Variants in KCNN3 observed in about 807,000 individuals in gnomAD.
KCNN3 encodes the protein potassium calcium-activated channel subfamily N member 3.
In KCNN3, 16 loss-of-function variants were observed where a neutral mutation model predicts 62.9. That is an observed-to-expected ratio of 0.25 (90% CI 0.17 to 0.39). The LOEUF (loss-of-function observed/expected upper bound fraction) is 0.39, where lower values mean the gene tolerates loss of function less well. Ranked by LOEUF, KCNN3 falls within the 10% of genes least tolerant of loss-of-function variation. The pLI is 1.00. For missense variants in KCNN3, 599 were observed against 949.4 expected (o/e 0.63, Z 4.85); for synonymous variants, 370 against 389.2 (o/e 0.95, Z 0.58).
Position 154,869,198 on chromosome 1 carries a change from G to A in KCNN3, c.767C>T (p.Pro256Leu), listed in dbSNP as rs370649072. 7.4e-6 allele frequency: 12 copies of A among 1,614,022 alleles called. No individual in the cohort carries two copies. The African/African-American group carries it at 1.6e-4, about 22-fold the overall frequency. Residue 256 changes from proline (P) to leucine (L), a missense_variant, in exon 1 of 8, where the codon CCC (proline) becomes CTC (leucine). Physicochemically the swap from Pro to Leu is moderately conservative, Grantham distance 98 (BLOSUM62 -3). Transcript: ENST00000271915. This position sits in a 1 kb window ranked among gnomAD's most constrained non-coding sequence, Gnocchi z 6.1. Reference sequence around the variant, plus strand: ...TTGGTTTTTCCGCTTGTTGGCTTTGGGGAAGGTGGTGCTGCTGGCGGTGGT... The same window carrying A: ...TTGGTTTTTCCGCTTGTTGGCTTTGAGGAAGGTGGTGCTGCTGGCGGTGGT... ...AGTTASSTTF[P>L]KANKRKNQNI...
intron 2 of KCNN3, among the ~76,000 whole-genome samples, chr1:154,783,078 TGGTG>T (rs879531928): frequency 0.56 from 85,127 of 151,624 alleles, 25,069 homozygotes; most frequent in Non-Finnish European, 0.63. Context: ...CCGGGCGTGG[TGGTG>T]GGCGCCTGTA....
chr1:154,745,075 C>T lies in KCNN3; in HGVS notation c.1449-11931G>A, dbSNP rs552100096. On this transcript the variant is annotated intron_variant, in intron 3 of 7. Transcript: ENST00000271915. ...AGGACACCACATGCATGTATAAAGC[C>T]ACCCCTCCATCCACTTCACCTCTGT... Among the ~76,000 whole-genome samples, 9 of 152,230 alleles carry T rather than the reference C, an allele frequency of 5.9e-5. No homozygotes were observed. The East Asian group carries it at 7.7e-4, about 13-fold the overall frequency.
At chr1:154,851,953 C>T (rs935899025) in intron 1 of KCNN3, among the ~76,000 whole-genome samples, 1 of 152,210 alleles carries the variant, frequency 6.6e-6, no homozygotes. Flanking sequence ...AGACCCGCCT[C>T]CCCTGTGACC....
chr1:154,767,685 A>G (rs1648358374), intron 3 of KCNN3, among the ~76,000 whole-genome samples: 1 of 152,240 alleles, frequency 6.6e-6, no homozygotes, highest in Non-Finnish European at 1.5e-5. Flanking sequence ...GGAGGTGGGC[A>G]GGCAGCCAGG....
At chr1:154,852,208 TTC>T (rs1652328899) in intron 1 of KCNN3, among the ~76,000 whole-genome samples, 1 of 76,516 alleles carries the variant, frequency 1.3e-5, no homozygotes, top group Admixed American at 1.8e-4. Flanking sequence ...TGTGAATCTA[TTC>T]TTTTTTTTTT....
At chr1:154,780,291 C>T (rs908667339) in intron 2 of KCNN3, among the ~76,000 whole-genome samples, 3 of 137,624 alleles carry the variant, frequency 2.2e-5, no homozygotes, top group Non-Finnish European at 4.6e-5. Context: ...GACTTGAGAC[C>T]TTTCTGATTT....
At chr1:154,713,826 A>G (rs954367544) in intron 6 of KCNN3, among the ~76,000 whole-genome samples, 1 of 150,698 alleles carries the variant, frequency 6.6e-6, no homozygotes, top group African/African-American at 2.5e-5. Context: ...CTTATTCTCA[A>G]CTTTTCAGGG....
intron 3 of KCNN3, among the ~76,000 whole-genome samples, chr1:154,750,884 C>A (rs73005493): frequency 6.6e-6 from 1 of 152,132 alleles, no homozygotes; most frequent in Non-Finnish European, 1.5e-5. Flanking sequence ...TTTCCTGGGG[C>A]GGTGAGAGCA....
At chr1:154,829,831 C>A (rs1262497790) in intron 1 of KCNN3, among the ~76,000 whole-genome samples, 2 of 152,168 alleles carry the variant, frequency 1.3e-5, no homozygotes, top group East Asian at 3.9e-4. Context: ...CTGCCCTGGG[C>A]CCCACACCCT....
Position 154,840,897 on chromosome 1 carries a change from G to A in KCNN3, c.934-18713C>T, listed in dbSNP as rs117907749. 2.6e-4 allele frequency among the ~76,000 whole-genome samples: 40 copies of A among 152,292 alleles called. No individual in the cohort carries two copies. In the East Asian group the frequency reaches 7.0e-3, roughly 27 times the overall value. Reference sequence around the variant, plus strand: ...CCCGGATCCCCCAGGTCAGGCCACCGAATCCAGACTGAGTGTGTGCACCGC... The same window carrying A: ...CCCGGATCCCCCAGGTCAGGCCACCAAATCCAGACTGAGTGTGTGCACCGC... On this transcript the variant is annotated intron_variant, in intron 1 of 7. Transcript: ENST00000271915.
chr1:154,759,310 C>T (rs980251053), intron 3 of KCNN3, among the ~76,000 whole-genome samples: 2 of 152,160 alleles, frequency 1.3e-5, no homozygotes, highest in Non-Finnish European at 2.9e-5. Flanking sequence ...CTGAGGTGCC[C>T]GTCCTTTGAG....
chr1:154,859,645 C>T (rs758655319), intron 1 of KCNN3: 6 of 1,568,294 alleles, frequency 3.8e-6, no homozygotes, highest in Non-Finnish European at 5.3e-6. Context: ...GGCAACAGGT[C>T]ATCTGCTTCC....
At chr1:154,841,760 A>G (rs1651839547) in intron 1 of KCNN3, among the ~76,000 whole-genome samples, 1 of 152,188 alleles carries the variant, frequency 6.6e-6, no homozygotes. Context: ...GCTTGCTAGC[A>G]GGAGTAAGGA....
chr1:154,860,711 G>A (rs1652736285), intron 1 of KCNN3, among the ~76,000 whole-genome samples: 1 of 152,212 alleles, frequency 6.6e-6, no homozygotes, highest in African/African-American at 2.4e-5. Flanking sequence ...AGGGACACCT[G>A]CAGACAGTGG....
At chr1:154,804,585 A>G (rs1180987539) in intron 2 of KCNN3, among the ~76,000 whole-genome samples, 3 of 152,048 alleles carry the variant, frequency 2.0e-5, no homozygotes, top group African/African-American at 4.8e-5. Context: ...AACACATCTT[A>G]TTCTTTCCCA....
At chr1:154,814,942 T>C (rs74492367) in intron 2 of KCNN3, among the ~76,000 whole-genome samples, 1,747 of 152,318 alleles carry the variant, frequency 0.011, 36 homozygotes, top group African/African-American at 0.04. Context: ...TTCCCTTGTG[T>C]GCTGTGATCA....
At position 154,700,845 on chromosome 1, in the gene KCNN3, A is replaced by G. The variant is rs1221188606; in HGVS notation, c.*7131T>C. On this transcript the variant is annotated 3_prime_UTR_variant, in exon 8 of 8. Coordinates refer to ENST00000271915, the MANE Select transcript of KCNN3 (RefSeq NM_002249.6). Reference sequence around the variant, plus strand: ...AATTTTAAAAAAGAAAAAATCATTTAGTAGCAAAAAAAAGTGAAGAAATAA... The same window carrying G: ...AATTTTAAAAAAGAAAAAATCATTTGGTAGCAAAAAAAAGTGAAGAAATAA... 6.6e-6 allele frequency: 1 copy of G among 152,124 alleles called. No individual in the cohort carries two copies. Among genetic ancestry groups the G allele is most frequent in the Non-Finnish European group, 1.5e-5 (1 of 68,020 alleles). The allele number at this position is 152,124 out of a possible 1,614,324, so 9.4% of individuals were successfully genotyped here. A position where few individuals can be genotyped will look rare whatever the true frequency, so the allele number is the denominator to read the frequency against.
At position 154,749,839 on chromosome 1, in the gene KCNN3, C is replaced by T. The variant is rs111235182; in HGVS notation, c.1449-16695G>A. 7.2e-3 allele frequency among the ~76,000 whole-genome samples: 1,103 copies of T among 152,256 alleles called. 14 individuals are homozygous for T. Among genetic ancestry groups the T allele is most frequent in the African/African-American group, 0.025 (1,032 of 41,544 alleles). On this transcript the variant is annotated intron_variant, in intron 3 of 7. Coordinates refer to ENST00000271915, the MANE Select transcript of KCNN3 (RefSeq NM_002249.6). ...ATAATGCCCTGACCCGGGGTCCCCA[C>T]GGCCGTGGGGCTTGGGGAGACTACG...
At chr1:154,829,103 C>T (rs184788837) in intron 1 of KCNN3, among the ~76,000 whole-genome samples, 163 of 152,376 alleles carry the variant, frequency 1.1e-3, no homozygotes, top group African/African-American at 3.3e-3. Flanking sequence ...GCACCATCAT[C>T]GCCCCGTCAC....
Sources: gnomAD v4.1 joint callset for allele counts (sites outside exome capture counted in the v4.1 genomes callset) on GRCh38, gnomAD v4.1.1 for gene constraint, Gnocchi (gnomAD v3.1) non-coding constraint, MANE v1.5 for transcripts, NCBI Gene and HGNC (gene_info 2026-07-23, HGNC 2026-07-21) for gene names.